CACNA2D3: variants seen among roughly 807,000 people sequenced by gnomAD.
CACNA2D3 encodes the protein voltage-dependent calcium channel subunit alpha-2/delta-3.
In CACNA2D3, 60 loss-of-function variants were observed where a neutral mutation model predicts 160.6. The observed-to-expected ratio is 0.37, with a 90% CI of 0.30 to 0.46. CACNA2D3 has a LOEUF of 0.46. CACNA2D3 is among the 20% of genes least tolerant of loss of function. The probability of loss-of-function intolerance (pLI) is 1.00; values close to 1 mark genes in which losing one functional copy is unlikely to be tolerated. For synonymous variants in CACNA2D3, 558 were observed against 492.9 expected (o/e 1.13, Z -1.75); for missense variants, 1,205 against 1,365.0 (o/e 0.88, Z 1.85).
intron 3 of CACNA2D3, among the ~76,000 whole-genome samples, chr3:54,325,092 A>G (rs1318392082): frequency 6.6e-6 from 1 of 152,068 alleles, no homozygotes; most frequent in African/African-American, 2.4e-5. Context: ...TTTAAAATCC[A>G]GCCCTTCAGG....
chr3:54,329,096 G>A (rs1295089490), intron 3 of CACNA2D3, among the ~76,000 whole-genome samples: 1 of 152,196 alleles, frequency 6.6e-6, no homozygotes, highest in African/African-American at 2.4e-5. Flanking sequence ...GGGTCACTTT[G>A]ATTGACTTTT....
intron 11 of CACNA2D3, among the ~76,000 whole-genome samples, chr3:54,697,879 ATT>A (rs1295115336): frequency 6.6e-6 from 1 of 151,896 alleles, no homozygotes. Context: ...TTAGCCAGAC[ATT>A]TTTTTTTTCT....
At chr3:54,841,923 A>G (rs1395937251) in intron 16 of CACNA2D3, among the ~76,000 whole-genome samples, 2 of 152,176 alleles carry the variant, frequency 1.3e-5, no homozygotes, top group East Asian at 3.9e-4. Flanking sequence ...TGGCAAGCCC[A>G]AGTGCTGGAA....
intron 32 of CACNA2D3, among the ~76,000 whole-genome samples, chr3:55,006,489 A>G (rs909158014): frequency 1.3e-5 from 2 of 152,096 alleles, no homozygotes; most frequent in Non-Finnish European, 2.9e-5. Flanking sequence ...CAAGATGATT[A>G]TTTTTCAAGC....
At chr3:54,383,147 A>G (rs1346613187) in intron 3 of CACNA2D3, among the ~76,000 whole-genome samples, 1 of 152,168 alleles carries the variant, frequency 6.6e-6, no homozygotes, top group Non-Finnish European at 1.5e-5. Flanking sequence ...TGTTTTAGGT[A>G]AATCTATGGG....
chr3:54,966,836 A>G (rs1420810236), intron 27 of CACNA2D3: 3 of 152,178 alleles, frequency 2.0e-5, no homozygotes, highest in African/African-American at 7.3e-5. Flanking sequence ...CAAACAAACA[A>G]ACGATTCGCA....
rs191177501 is a variant in CACNA2D3 at position 54,755,328 on chromosome 3, G to C, written c.1246+2651G>C. ...TGGGGGGGCTCAGCATTGTGGATGGGAGTGTGGGAAAGTTCTCCAAGAATA... is the reference window on the plus strand; with the variant it reads ...TGGGGGGGCTCAGCATTGTGGATGGCAGTGTGGGAAAGTTCTCCAAGAATA... On this transcript the variant is annotated intron_variant, in intron 12 of 37. Transcript: ENST00000474759. 7.6e-4 allele frequency among the ~76,000 whole-genome samples: 116 copies of C among 152,262 alleles called. 2 individuals are homozygous for C. The highest frequency in any genetic ancestry group is 1.4e-3 in the Admixed American group (22 of 15,294).
At chr3:54,727,826 G>A (rs1276985457) in intron 11 of CACNA2D3, among the ~76,000 whole-genome samples, 3 of 152,106 alleles carry the variant, frequency 2.0e-5, no homozygotes, top group Admixed American at 6.5e-5. Context: ...GTTGATGGGT[G>A]TAGCAAACTA....
rs1327557752 is a variant in CACNA2D3, at chr3:54,675,674, TTC to T, written c.1167+33434_1167+33435del. On this transcript the variant is annotated intron_variant, in intron 11 of 37. Coordinates refer to ENST00000474759, the MANE Select transcript of CACNA2D3 (RefSeq NM_018398.3). ...TGCATTCCTGGGGTGCCACTCATAT[TTC>T]AGTCTTGTAAATGCACCTCCATAGT... Among the ~76,000 whole-genome samples the T allele has an allele frequency of 9.2e-5, 14 of 152,150 alleles. No homozygotes were observed. The South Asian group carries it at 1.2e-3, about 13-fold the overall frequency.
chr3:54,700,372 A>T (rs893426795), intron 11 of CACNA2D3, among the ~76,000 whole-genome samples: 1 of 152,224 alleles, frequency 6.6e-6, no homozygotes, highest in African/African-American at 2.4e-5. Flanking sequence ...GCCATCAGCC[A>T]CTTGTGGCCA....
intron 13 of CACNA2D3, among the ~76,000 whole-genome samples, chr3:54,787,200 TTGTA>T (rs1489887555): frequency 6.6e-6 from 1 of 152,242 alleles, no homozygotes; most frequent in East Asian, 1.9e-4. Flanking sequence ...AATAGCTCAT[TTGTA>T]TTAGTTATAG....
intron 3 of CACNA2D3, among the ~76,000 whole-genome samples, chr3:54,334,141 C>A (rs981668585): frequency 5.9e-5 from 9 of 152,096 alleles, no homozygotes; most frequent in African/African-American, 2.2e-4. Context: ...AGCTGGAGTG[C>A]AGTAGTGTGA....
At chr3:54,502,404 A>T (rs1348124896) in intron 4 of CACNA2D3, among the ~76,000 whole-genome samples, 3 of 152,174 alleles carry the variant, frequency 2.0e-5, no homozygotes, top group African/African-American at 7.2e-5. Context: ...TGTTCAGTCT[A>T]CTAATGAACC....
chr3:54,699,256 T>G (rs569887579), intron 11 of CACNA2D3, among the ~76,000 whole-genome samples: 1 of 152,138 alleles, frequency 6.6e-6, no homozygotes, highest in South Asian at 2.1e-4. Context: ...CAAGAGAGAA[T>G]CAGGAGGAGG....
chr3:54,304,649 T>TAAGAAGAAA (rs1405079884), intron 2 of CACNA2D3, among the ~76,000 whole-genome samples: 1 of 152,218 alleles, frequency 6.6e-6, no homozygotes, highest in Non-Finnish European at 1.5e-5. Flanking sequence ...TTTGCTTTAA[T>TAAGAAGAAA]AAGAAGAAAA....
In CACNA2D3 at chr3:54,338,467, C is replaced by CTCTGTGTGTGTGTGTGTGTG. The variant is rs996617901; in HGVS notation, c.321+17910_321+17911insCTGTGTGTGTGTGTGTGTGT. Among the ~76,000 whole-genome samples the CTCTGTGTGTGTGTGTGTGTG allele has an allele frequency of 5.8e-4, 79 of 136,524 alleles. 2 individuals are homozygous for CTCTGTGTGTGTGTGTGTGTG. Among genetic ancestry groups the CTCTGTGTGTGTGTGTGTGTG allele is most frequent in the African/African-American group, 2.1e-3 (75 of 35,926 alleles). 89.6% of individuals were successfully genotyped at this position (136,524 alleles called of 152,430 possible). ...TTATAGCTCTCTTCATCTCCCCTCC[C>CTCTGTGTGTGTGTGTGTGTG]TGTGTGTGTGTGTGTGTGTGTGTGT... On this transcript the variant is annotated intron_variant, in intron 3 of 37. Transcript: ENST00000474759.
chr3:55,069,595 G>A (rs902609589), intron 35 of CACNA2D3, among the ~76,000 whole-genome samples: 1 of 152,184 alleles, frequency 6.6e-6, no homozygotes, highest in Non-Finnish European at 1.5e-5. Flanking sequence ...TAGCCAGCTT[G>A]CTGAGTTCTT....
intron 3 of CACNA2D3, among the ~76,000 whole-genome samples, chr3:54,363,081 G>T (rs1698770449): frequency 6.6e-6 from 1 of 152,042 alleles, no homozygotes; most frequent in Non-Finnish European, 1.5e-5. Flanking sequence ...TGTAGTCCCA[G>T]CTACTTGGGA....
At chr3:54,809,604 C>T (rs1230061320) in intron 13 of CACNA2D3, among the ~76,000 whole-genome samples, 3 of 145,628 alleles carry the variant, frequency 2.1e-5, no homozygotes, top group African/African-American at 5.6e-5. Context: ...AGGCGTGAGC[C>T]ACCGCGCCCG....
Sources: gnomAD v4.1 joint callset for allele counts (sites outside exome capture counted in the v4.1 genomes callset) on GRCh38, gnomAD v4.1.1 for gene constraint, MANE v1.5 for transcripts, NCBI Gene and HGNC (gene_info 2026-07-23, HGNC 2026-07-21) for gene names.